The following CHD9 variants were observed in gnomAD, a reference collection of about 807,000 sequenced individuals.
CHD9 encodes chromodomain helicase DNA binding protein 9, also known as ATP-dependent chromatin remodeler CHD9.
CHD9 carries 77 observed loss-of-function variants against 316.1 expected under a neutral mutation model. That is an observed-to-expected ratio of 0.24 (90% CI 0.20 to 0.29). The LOEUF (loss-of-function observed/expected upper bound fraction) is 0.29. CHD9 is among the 10% of genes least tolerant of loss of function. CHD9 has a pLI of 1.00. For synonymous variants in CHD9, 1,129 were observed against 1,158.3 expected, an observed-to-expected ratio of 0.97 and a Z score of 0.51; for missense variants, 2,763 against 3,438.1, an observed-to-expected ratio of 0.80 and a Z score of 4.91.
intron 1 of CHD9, among the ~76,000 whole-genome samples, chr16:53,141,929 T>C (rs2040146637): frequency 6.6e-6 from 1 of 152,152 alleles, no homozygotes; most frequent in Non-Finnish European, 1.5e-5. Flanking sequence ...AGAAAGTTTG[T>C]TGAATTCAGG....
chr16:53,164,300 A>G (rs976018950), intron 2 of CHD9, among the ~76,000 whole-genome samples: 2 of 152,214 alleles, frequency 1.3e-5, no homozygotes, highest in African/African-American at 2.4e-5. Context: ...TAGGCCAGGC[A>G]TGGTGGCTCA....
intron 1 of CHD9, among the ~76,000 whole-genome samples, chr16:53,069,572 A>T (rs1355417043): frequency 6.6e-6 from 1 of 152,170 alleles, no homozygotes; most frequent in Non-Finnish European, 1.5e-5. Flanking sequence ...AATGTCTTCA[A>T]GGTTCATATT....
At chr16:53,225,114 T>G (rs2047543463) in intron 4 of CHD9, among the ~76,000 whole-genome samples, 1 of 152,170 alleles carries the variant, frequency 6.6e-6, no homozygotes, top group Non-Finnish European at 1.5e-5. Context: ...GAGGCATGAC[T>G]GCATGCATAT....
At chr16:53,176,304 T>A (rs899881753) in intron 2 of CHD9, among the ~76,000 whole-genome samples, 52 of 152,352 alleles carry the variant, frequency 3.4e-4, no homozygotes, top group African/African-American at 1.2e-3. Flanking sequence ...ATCACCCTAA[T>A]GTTTTTGTTT....
chr16:53,102,085 T>C (rs545313484), intron 1 of CHD9, among the ~76,000 whole-genome samples: 123 of 152,290 alleles, frequency 8.1e-4, no homozygotes, highest in African/African-American at 2.7e-3. Context: ...GGTGTGAATC[T>C]GGGTGATGCT....
At chr16:53,190,138 A>G (rs2044362840) in intron 2 of CHD9, among the ~76,000 whole-genome samples, 1 of 152,150 alleles carries the variant, frequency 6.6e-6, no homozygotes, top group South Asian at 2.1e-4. Context: ...TGAAGAGCAA[A>G]TTACTGATTA....
At chr16:53,151,282 T>C (rs1212836013) in intron 1 of CHD9, among the ~76,000 whole-genome samples, 2 of 144,996 alleles carry the variant, frequency 1.4e-5, no homozygotes, top group Non-Finnish European at 3.0e-5. Flanking sequence ...GATGGAGTAT[T>C]GCTCTGTCAC....
intron 17 of CHD9, among the ~76,000 whole-genome samples, chr16:53,251,409 G>GT (rs2050117208): frequency 6.6e-6 from 1 of 152,250 alleles, no homozygotes; most frequent in East Asian, 1.9e-4. Context: ...CCTCTCACTT[G>GT]TTTTTTCCTA....
At position 53,325,720 on chromosome 16, in the gene CHD9, A is replaced by C. The variant is rs1170535482; in HGVS notation, c.*825A>C. 1 of 152,240 alleles carries C rather than the reference A, an allele frequency of 6.6e-6. No individual in the cohort carries two copies. The highest frequency in any genetic ancestry group is 2.1e-4 in the South Asian group (1 of 4,838). 9.4% of individuals were successfully genotyped at this position (152,240 alleles called of 1,614,324 possible). On this transcript the variant is annotated 3_prime_UTR_variant, in exon 39 of 39. Transcript: ENST00000447540. Reference sequence around the variant, plus strand: ...TTCAAAGTTTGGCCTCCTATTAGAAATAATCATGTCTCAGATGAGTAATGT... The same window carrying C: ...TTCAAAGTTTGGCCTCCTATTAGAACTAATCATGTCTCAGATGAGTAATGT...
intron 2 of CHD9, among the ~76,000 whole-genome samples, chr16:53,195,964 G>T (rs996276177): frequency 6.6e-6 from 1 of 151,934 alleles, no homozygotes; most frequent in Non-Finnish European, 1.5e-5. Context: ...TGCCATGTTG[G>T]CCAGACTGGT....
At chr16:53,077,570 G>C (rs190120526) in intron 1 of CHD9, among the ~76,000 whole-genome samples, 3 of 151,936 alleles carry the variant, frequency 2.0e-5, no homozygotes, top group African/African-American at 7.3e-5. Context: ...TTCGTGATCC[G>C]CCTGCCTCAG....
intron 38 of CHD9, among the ~76,000 whole-genome samples, chr16:53,322,880 A>G (rs995729879): frequency 6.6e-6 from 1 of 152,222 alleles, no homozygotes; most frequent in Admixed American, 6.5e-5. Flanking sequence ...AATGTTAGCA[A>G]TGGTTATCTC....
At position 53,254,528 on chromosome 16, in the gene CHD9, G is replaced by A; in HGVS notation, c.3952G>A (p.Asp1318Asn). The A allele has an allele frequency of 6.2e-7, 1 of 1,613,052 alleles. No homozygotes were observed. The highest frequency in any genetic ancestry group is 8.5e-7 in the Non-Finnish European group (1 of 1,179,382). The change falls in exon 18 of 39, where the codon GAC becomes AAC. Residue 1318 changes from aspartate to asparagine, a missense_variant. Coordinates refer to ENST00000447540, the MANE Select transcript of CHD9 (RefSeq NM_001308319.2). ...TRNSYEREMF[D>N]RASLKLGLDK... is the part of the protein sequence containing the mutation. ...TAACTCATATGAGAGAGAGATGTTT[G>A]ACCGAGCCAGTTTGAAACTGGGCCT...
rs146191369 is a variant in CHD9 at position 53,255,795 on chromosome 16, A to C, written c.4209+16A>C. 163 of 1,609,828 alleles carry C rather than the reference A, an allele frequency of 1.0e-4. No individual in the cohort carries two copies. Among genetic ancestry groups the C allele is most frequent in the Non-Finnish European group, 1.3e-4 (154 of 1,176,516 alleles). On this transcript the variant is annotated intron_variant, in intron 19 of 38. Coordinates refer to ENST00000447540, the MANE Select transcript of CHD9 (RefSeq NM_001308319.2). Reference sequence around the variant, plus strand: ...ATTTGCCAAGGTAATAGTGGGTGCAATTTTATTAACATAGCAGTGATGTTC... The same window carrying C: ...ATTTGCCAAGGTAATAGTGGGTGCACTTTTATTAACATAGCAGTGATGTTC...
At chr16:53,287,595 C>T (rs2053988696) in intron 26 of CHD9, among the ~76,000 whole-genome samples, 1 of 152,108 alleles carries the variant, frequency 6.6e-6, no homozygotes, top group Non-Finnish European at 1.5e-5. Context: ...GGTGTGGTGG[C>T]ATGTACCTGT....
intron 1 of CHD9, among the ~76,000 whole-genome samples, chr16:53,155,686 C>T (rs1335315651): frequency 2.6e-5 from 4 of 152,136 alleles, no homozygotes; most frequent in South Asian, 2.1e-4. Context: ...AGCTATCACT[C>T]ACCAATCACC....
intron 1 of CHD9, among the ~76,000 whole-genome samples, chr16:53,074,014 C>T (rs538786108): frequency 2.2e-4 from 33 of 152,280 alleles, no homozygotes; most frequent in Admixed American, 3.3e-4. Flanking sequence ...TTTGGAACTT[C>T]CTAGAGACTT....
At chr16:53,240,826 C>T (rs867443469) in intron 12 of CHD9, among the ~76,000 whole-genome samples, 1 of 151,984 alleles carries the variant, frequency 6.6e-6, no homozygotes, top group Non-Finnish European at 1.5e-5. Context: ...TTTGTAATAT[C>T]AACCTTGTAA....
At chr16:53,261,121 T>C (rs762649205) in intron 19 of CHD9, among the ~76,000 whole-genome samples, 8 of 149,918 alleles carry the variant, frequency 5.3e-5, no homozygotes, top group Non-Finnish European at 1.2e-4. Flanking sequence ...GGAATTTAAA[T>C]TCATTTCATT....
Sources: allele counts gnomAD v4.1 joint callset (sites outside exome capture counted in the v4.1 genomes callset), GRCh38; gene constraint gnomAD v4.1.1; transcripts MANE v1.5; gene names NCBI Gene and HGNC (gene_info 2026-07-23, HGNC 2026-07-21).